EGFR: variants seen among roughly 807,000 people sequenced by gnomAD.
EGFR encodes the protein avian erythroblastic leukemia viral (v-erb-b) oncogene homolog.
Under a neutral mutation model 143.0 loss-of-function variants are expected in EGFR, and 58 were observed. That is an observed-to-expected ratio of 0.41 (90% CI 0.33 to 0.50). The LOEUF is 0.50. Ranked by LOEUF, EGFR falls within the 20% of genes least tolerant of loss-of-function variation. The pLI is 0.39. For synonymous variants in EGFR, 613 were observed against 594.4 expected (o/e 1.03, Z -0.45); for missense variants, 1,307 against 1,579.0 (o/e 0.83, Z 2.92).
rs752130552 is a variant in EGFR, at chr7:55,146,786, G to A, written c.559+46G>A. 54 of 1,613,124 alleles carry A rather than the reference G, an allele frequency of 3.3e-5. No homozygotes were observed. The highest frequency in any genetic ancestry group is 1.7e-5 in the Admixed American group (1 of 59,946). Reference sequence around the variant, plus strand: ...ATCTCTGCCTCCAGCTCCTATGGGGGACAGCTCTACAGCACTGGGGCAGGG... The same window carrying A: ...ATCTCTGCCTCCAGCTCCTATGGGGAACAGCTCTACAGCACTGGGGCAGGG... On this transcript the variant is annotated intron_variant, in intron 4 of 27. Transcript: ENST00000275493.
chr7:55,175,898 T>C (rs1329247984), intron 19 of EGFR, among the ~76,000 whole-genome samples: 2 of 152,242 alleles, frequency 1.3e-5, no homozygotes, highest in African/African-American at 2.4e-5. Flanking sequence ...GGAAATCCCA[T>C]GTTGATATAC....
chr7:55,196,220 G>A (rs1787612375), intron 22 of EGFR, among the ~76,000 whole-genome samples: 1 of 92,430 alleles, frequency 1.1e-5, no homozygotes, highest in African/African-American at 4.6e-5. Context: ...CATCTGACTG[G>A]TATGAGATGG....
chr7:55,176,786 T>C (rs1218298734), intron 19 of EGFR, among the ~76,000 whole-genome samples: 1 of 148,212 alleles, frequency 6.7e-6, no homozygotes, highest in Non-Finnish European at 1.5e-5. Flanking sequence ...ATATACTCTG[T>C]ATATAGTTAT....
At chr7:55,166,688 G>T (rs1364801701) in intron 15 of EGFR, among the ~76,000 whole-genome samples, 1 of 100,340 alleles carries the variant, frequency 1.0e-5, no homozygotes. Flanking sequence ...CACAATGGTG[G>T]TGGTGATGGT....
intron 20 of EGFR, among the ~76,000 whole-genome samples, chr7:55,186,290 C>A (rs1319864572): frequency 6.6e-6 from 1 of 152,232 alleles, no homozygotes; most frequent in Non-Finnish European, 1.5e-5. Flanking sequence ...TACATTGCTT[C>A]CAATGCAACT....
chr7:55,019,274 A>T lies in EGFR; in HGVS notation c.-4A>T, dbSNP rs2128853261. On this transcript the variant is annotated 5_prime_UTR_variant, in exon 1 of 28. Coordinates refer to ENST00000275493, the MANE Select transcript of EGFR (RefSeq NM_005228.5). ...AGCCGGAGCGAGCTCTTCGGGGAGC[A>T]GCGATGCGACCCTCCGGGACGGCCG... 6.7e-7 allele frequency: 1 copy of T among 1,499,496 alleles called. No homozygotes were observed. Among genetic ancestry groups the T allele is most frequent in the Non-Finnish European group, 8.9e-7 (1 of 1,119,000 alleles). 92.9% of individuals were successfully genotyped at this position (1,499,496 alleles called of 1,614,324 possible). A position where few individuals can be genotyped will look rare whatever the true frequency, so the allele number is the denominator to read the frequency against.
In EGFR at chr7:55,155,894, G is replaced by A; in HGVS notation, c.954G>A (p.Met318Ile). The change falls in exon 8 of 28, where the codon ATG (methionine) becomes ATA (isoleucine). Residue 318 changes from methionine to isoleucine, a missense_variant. Around this residue, in one of 7 missense-constraint regions of EGFR, gnomAD observed 311 missense variants for 412.3 expected, o/e 0.75. Coordinates refer to ENST00000275493, the MANE Select transcript of EGFR (RefSeq NM_005228.5). ...CCTGTGGGGCCGACAGCTATGAGATGGAGGAAGACGGCGTCCGCAAGTGTA... is the reference window on the plus strand; with the variant it reads ...CCTGTGGGGCCGACAGCTATGAGATAGAGGAAGACGGCGTCCGCAAGTGTA... ...VRACGADSYE[M>I]EEDGVRKCKK... 1.2e-6 allele frequency: 2 copies of A among 1,614,092 alleles called. No homozygotes were observed. The highest frequency in any genetic ancestry group is 1.7e-6 in the Non-Finnish European group (2 of 1,180,032).
chr7:55,171,340 C>A, intron 16 of EGFR, 127 bp downstream of exon 16: 1 of 1,349,714 alleles, frequency 7.4e-7, no homozygotes, highest in Non-Finnish European at 1.0e-6. Flanking sequence ...TCTGGGCCAG[C>A]CTACCCTCAG....
intron 27 of EGFR, among the ~76,000 whole-genome samples, chr7:55,204,477 C>CCA (rs913604782): frequency 2.0e-5 from 3 of 148,322 alleles, no homozygotes; most frequent in Admixed American, 1.3e-4. Flanking sequence ...AATACACACA[C>CCA]CACACACACA....
intron 1 of EGFR, among the ~76,000 whole-genome samples, chr7:55,049,437 G>A (rs1423912050): frequency 1.3e-5 from 2 of 152,194 alleles, no homozygotes; most frequent in Non-Finnish European, 2.9e-5. Context: ...AGCAGTGAAA[G>A]GGTTAGGCCT....
At chr7:55,142,074 G>T (rs1024606905) in intron 1 of EGFR, among the ~76,000 whole-genome samples, 1 of 152,130 alleles carries the variant, frequency 6.6e-6, no homozygotes, top group Non-Finnish European at 1.5e-5. Context: ...TTTCTTTGCT[G>T]TGTCCTTTAG....
In EGFR at chr7:55,171,231, T is replaced by A; in HGVS notation, c.1919+18T>A. 6.2e-7 allele frequency: 1 copy of A among 1,614,172 alleles called. No homozygotes were observed. The highest frequency in any genetic ancestry group is 8.5e-7 in the Non-Finnish European group (1 of 1,179,978). ...ACGAATGGGTAAGTGTTCACAGCTC[T>A]GTGTCACATGGACCTCGTCAAGAAT... On this transcript the variant is annotated intron_variant, in intron 16 of 27. Coordinates refer to ENST00000275493, the MANE Select transcript of EGFR (RefSeq NM_005228.5).
intron 15 of EGFR, among the ~76,000 whole-genome samples, chr7:55,167,955 T>TAG: frequency 6.6e-6 from 1 of 152,154 alleles, no homozygotes; most frequent in Non-Finnish European, 1.5e-5. Flanking sequence ...AAAACAACAT[T>TAG]TGCTATTAGT....
At chr7:55,062,278 C>T (rs1006672544) in intron 1 of EGFR, among the ~76,000 whole-genome samples, 2 of 152,076 alleles carry the variant, frequency 1.3e-5, no homozygotes, top group South Asian at 2.1e-4. Context: ...GCAGGGATTT[C>T]GGCACACTCT....
Position 55,049,006 on chromosome 7 carries a change from G to GC in EGFR, c.88+29644dup, listed in dbSNP as rs531100033. Among the ~76,000 whole-genome samples, 20 of 152,232 alleles carry GC rather than the reference G, an allele frequency of 1.3e-4. No homozygotes were observed. In the East Asian group the frequency reaches 3.7e-3, roughly 28 times the overall value. ...CACTTCAATAACTGGAAGCACAGAT[G>GC]CCCTACAGCAGCATCAAAGATGGCA... is the stretch of plus-strand genomic sequence containing the variant. On this transcript the variant is annotated intron_variant, in intron 1 of 27. Coordinates refer to ENST00000275493, the MANE Select transcript of EGFR (RefSeq NM_005228.5).
In EGFR at chr7:55,025,471, C is replaced by CAGGGA. The variant is rs534620721; in HGVS notation, c.88+6122_88+6126dup. ...AAAGGCTGGGAAGTCAATGGGACTGCAGGGAAGGGAAGGGAAGGGAGGAGA... is the reference window on the plus strand; with the variant it reads ...AAAGGCTGGGAAGTCAATGGGACTGCAGGGAAGGGAAGGGAAGGGAAGGGAGGAGA... On this transcript the variant is annotated intron_variant, in intron 1 of 27. Transcript: ENST00000275493. 6.7e-3 allele frequency among the ~76,000 whole-genome samples: 1,023 copies of CAGGGA among 151,978 alleles called. 10 individuals are homozygous for CAGGGA. Among genetic ancestry groups the CAGGGA allele is most frequent in the African/African-American group, 0.023 (958 of 41,394 alleles).
At chr7:55,183,818 G>A (rs928966546) in intron 20 of EGFR, among the ~76,000 whole-genome samples, 3 of 152,262 alleles carry the variant, frequency 2.0e-5, no homozygotes, top group South Asian at 2.1e-4. Flanking sequence ...CCCCAAACCC[G>A]GCCCTGCATG....
chr7:55,160,116 G>T, intron 11 of EGFR, 23 bp from the exon 12 acceptor site: 1 of 1,613,274 alleles, frequency 6.2e-7, no homozygotes, highest in South Asian at 1.1e-5. Flanking sequence ...TTCACCACAT[G>T]ATTTTTCTTC....
intron 1 of EGFR, among the ~76,000 whole-genome samples, chr7:55,055,710 ACACACACACACAC>A (rs1238781178): frequency 1.3e-5 from 1 of 77,406 alleles, no homozygotes; most frequent in East Asian, 5.7e-4. Context: ...GCACGCACAC[ACACACACACACAC>A]CACACACACA....
Sources: allele counts gnomAD v4.1 joint callset (sites outside exome capture counted in the v4.1 genomes callset), GRCh38; gene constraint gnomAD v4.1.1; regional missense constraint gnomAD v4.1.1; transcripts MANE v1.5; gene names NCBI Gene and HGNC (gene_info 2026-07-23, HGNC 2026-07-21).